The following CORIN variants were observed in gnomAD, a reference collection of about 807,000 sequenced individuals.
CORIN encodes the protein atrial natriuretic peptide-converting enzyme.
In CORIN, 117 loss-of-function variants were observed where a neutral mutation model predicts 125.3. The observed-to-expected ratio is 0.93, with a 90% CI of 0.80 to 1.09. The LOEUF is 1.09. Among genes scored for constraint, CORIN ranks in the 50% least tolerant of loss-of-function variants. The pLI is 0.00. For synonymous variants in CORIN, 450 were observed against 466.4 expected (o/e 0.96, Z 0.45); for missense variants, 1,253 against 1,306.7 (o/e 0.96, Z 0.63).
intron 19 of CORIN, among the ~76,000 whole-genome samples, chr4:47,608,398 G>C (rs1272900045): frequency 1.3e-5 from 2 of 152,158 alleles, no homozygotes; most frequent in East Asian, 1.9e-4. Flanking sequence ...TCAGTTTAAA[G>C]GGAATTACTT....
At chr4:47,654,761 T>C (rs182233200) in intron 12 of CORIN, among the ~76,000 whole-genome samples, 1 of 152,134 alleles carries the variant, frequency 6.6e-6, no homozygotes, top group Admixed American at 6.5e-5. Flanking sequence ...CTGCAATTCT[T>C]GGGCAAGTCC....
At position 47,603,500 on chromosome 4, in the gene CORIN, A is replaced by C. The variant is rs1456564490; in HGVS notation, c.2709T>G (p.Ser903Arg). The C allele has an allele frequency of 6.2e-7, 1 of 1,614,014 alleles. No individual in the cohort carries two copies. The highest frequency in any genetic ancestry group is 1.3e-5 in the African/African-American group (1 of 74,906). The change falls in exon 20 of 22, where the codon AGT (serine) becomes AGG (arginine). Residue 903 changes from serine to arginine, a missense_variant. Transcript: ENST00000273857. ...ISIVELSEDISETGYVRPVCL... is the reference protein window; with the variant it reads ...ISIVELSEDIRETGYVRPVCL... ...AGACAGGCCGGACGTAGCCAGTCTC[A>C]CTGATGTCTTCACTCAGCTCAACGA...
chr4:47,759,101 G>A (rs1420152771), intron 4 of CORIN, among the ~76,000 whole-genome samples: 1 of 152,148 alleles, frequency 6.6e-6, no homozygotes. Context: ...ACACAATGGA[G>A]AAAAGACAGT....
At chr4:47,655,085 C>T (rs1723912108) in intron 12 of CORIN, among the ~76,000 whole-genome samples, 1 of 152,128 alleles carries the variant, frequency 6.6e-6, no homozygotes, top group South Asian at 2.1e-4. Flanking sequence ...AGGGAACCCA[C>T]TGCCTTGAAG....
chr4:47,836,697 G>A (rs1281846153), intron 1 of CORIN, among the ~76,000 whole-genome samples: 1 of 152,164 alleles, frequency 6.6e-6, no homozygotes, highest in Non-Finnish European at 1.5e-5. Context: ...CTTCCCTGCT[G>A]AATTCAAAGT....
At chr4:47,659,286 C>T (rs964794393) in intron 12 of CORIN, among the ~76,000 whole-genome samples, 18 of 152,204 alleles carry the variant, frequency 1.2e-4, no homozygotes, top group Non-Finnish European at 2.1e-4. Context: ...GCCTGTTACC[C>T]GGTTCCAAAG....
At chr4:47,663,653 G>A (rs918353928) in intron 11 of CORIN, among the ~76,000 whole-genome samples, 8 of 152,082 alleles carry the variant, frequency 5.3e-5, no homozygotes, top group African/African-American at 1.9e-4. Context: ...AGCAGAAAAT[G>A]CTGCTTCAGG....
At position 47,744,597 on chromosome 4, in the gene CORIN, A is replaced by C; in HGVS notation, c.618-14T>G. 1.3e-6 allele frequency: 2 copies of C among 1,552,358 alleles called. No homozygotes were observed. Among genetic ancestry groups the C allele is most frequent in the Non-Finnish European group, 1.7e-6 (2 of 1,152,754 alleles). Reference sequence around the variant, plus strand: ...AGGAGTCCATGACTAAAAAAAAAAAAAGAGAAAGGTGAAAATTAGTGTCTT... The same window carrying C: ...AGGAGTCCATGACTAAAAAAAAAAACAGAGAAAGGTGAAAATTAGTGTCTT... On this transcript the variant is annotated splice_polypyrimidine_tract_variant and intron_variant, in intron 4 of 21. Coordinates refer to ENST00000273857, the MANE Select transcript of CORIN (RefSeq NM_006587.4).
intron 20 of CORIN, among the ~76,000 whole-genome samples, chr4:47,601,708 T>C (rs77906511): frequency 0.04 from 6,152 of 152,172 alleles, 170 homozygotes; most frequent in Non-Finnish European, 0.061. Flanking sequence ...GAATTAATCA[T>C]AGCTTTGAAA....
At position 47,711,045 on chromosome 4, in the gene CORIN, C is replaced by G. The variant is rs573970576; in HGVS notation, c.800-17962G>C. Among the ~76,000 whole-genome samples, 42 of 152,280 alleles carry G rather than the reference C, an allele frequency of 2.8e-4. 1 individual carries two copies. In the South Asian group the frequency reaches 3.5e-3, roughly 13 times the overall value. On this transcript the variant is annotated intron_variant, in intron 5 of 21. Transcript: ENST00000273857. ...AGCCCTGCCCTCAGACTTTGAAGAA[C>G]AAAGAATGTCAAGGAGGGTAGTGGG...
intron 19 of CORIN, among the ~76,000 whole-genome samples, chr4:47,614,154 C>A (rs1287231344): frequency 6.6e-6 from 1 of 152,224 alleles, no homozygotes; most frequent in African/African-American, 2.4e-5. Context: ...TAAGACAAAG[C>A]AGAATGATTT....
At chr4:47,837,756 A>C in intron 1 of CORIN, 131 bp downstream of exon 1, 2 of 853,310 alleles carry the variant, frequency 2.3e-6, no homozygotes, top group Non-Finnish European at 4.0e-6. Context: ...GCGGGAGCTC[A>C]CCGGCGGCTG....
rs140340799 is a variant in CORIN, at chr4:47,635,655, A to G, written c.2198+6265T>C. ...AATTATGCAGTGTCTGACAGGTCAG[A>G]GTAAGAAATCAGATTTTCAGTCCAA... is the stretch of plus-strand genomic sequence containing the variant. On this transcript the variant is annotated intron_variant, in intron 16 of 21. Coordinates refer to ENST00000273857, the MANE Select transcript of CORIN (RefSeq NM_006587.4). Among the ~76,000 whole-genome samples the G allele has an allele frequency of 5.3e-4, 81 of 152,352 alleles. No individual in the cohort carries two copies. In the East Asian group the frequency reaches 0.013, roughly 25 times the overall value.
chr4:47,765,144 T>C (rs966368034), intron 3 of CORIN, among the ~76,000 whole-genome samples: 6 of 151,904 alleles, frequency 3.9e-5, no homozygotes, highest in Admixed American at 2.6e-4. Flanking sequence ...ACCCCATCTC[T>C]ACTAAAAATA....
Position 47,821,844 on chromosome 4 carries a change from C to T in CORIN, c.64-14797G>A, listed in dbSNP as rs1456801038. 2.6e-5 allele frequency among the ~76,000 whole-genome samples: 4 copies of T among 152,150 alleles called. No individual in the cohort carries two copies. The East Asian group carries it at 7.7e-4, about 29-fold the overall frequency. On this transcript the variant is annotated intron_variant, in intron 1 of 21. Coordinates refer to ENST00000273857, the MANE Select transcript of CORIN (RefSeq NM_006587.4). Reference sequence around the variant, plus strand: ...ACAAACCTCCAGATCCAAATGAGAACAGACTAAACTAATTTAAAAGAGTTC... The same window carrying T: ...ACAAACCTCCAGATCCAAATGAGAATAGACTAAACTAATTTAAAAGAGTTC...
At chr4:47,794,039 T>A (rs1398460294) in intron 2 of CORIN, among the ~76,000 whole-genome samples, 2 of 152,112 alleles carry the variant, frequency 1.3e-5, no homozygotes, top group Non-Finnish European at 2.9e-5. Flanking sequence ...TGCTTGAGAA[T>A]CCTCCGCTGG....
intron 5 of CORIN, among the ~76,000 whole-genome samples, chr4:47,699,759 T>C (rs1240464997): frequency 6.6e-6 from 1 of 152,160 alleles, no homozygotes; most frequent in Non-Finnish European, 1.5e-5. Flanking sequence ...GGAATAAAAA[T>C]CCCTTTGTGT....
At chr4:47,779,525 C>G (rs1226274306) in intron 3 of CORIN, among the ~76,000 whole-genome samples, 1 of 151,518 alleles carries the variant, frequency 6.6e-6, no homozygotes, top group Non-Finnish European at 1.5e-5. Flanking sequence ...CAACCTCCGC[C>G]CCCAGGTTCA....
rs866228389 is a variant in CORIN at position 47,594,254 on chromosome 4, T to C, written c.*1467A>G. The C allele has an allele frequency of 2.6e-5, 4 of 152,532 alleles. No homozygotes were observed. The highest frequency in any genetic ancestry group is 5.9e-5 in the Non-Finnish European group (4 of 67,986). The allele number at this position is 152,532 out of a possible 1,614,324, so 9.4% of individuals were successfully genotyped here. On this transcript the variant is annotated 3_prime_UTR_variant, in exon 22 of 22. Transcript: ENST00000273857. ...ATAGTATAGAAATTGCTACAACTTT[T>C]TGAATTTCAACTATGTTTACACACA... is the stretch of plus-strand genomic sequence containing the variant.
Sources: allele counts gnomAD v4.1 joint callset (sites outside exome capture counted in the v4.1 genomes callset), GRCh38; gene constraint gnomAD v4.1.1; transcripts MANE v1.5; gene names NCBI Gene and HGNC (gene_info 2026-07-23, HGNC 2026-07-21).